The following NAV2 variants were observed in gnomAD, a reference collection of about 807,000 sequenced individuals.
NAV2 encodes helicase, APC down-regulated 1.
A neutral mutation model predicts 223.2 loss-of-function variants in NAV2; 54 were observed. That is an observed-to-expected ratio of 0.24 (90% CI 0.19 to 0.30). The LOEUF is 0.30. NAV2 is among the 10% of genes least tolerant of loss of function. The pLI, the probability that NAV2 is intolerant of heterozygous loss-of-function variation, is 1.00. For missense variants in NAV2, 2,806 were observed against 3,147.5 expected, an observed-to-expected ratio of 0.89 and a Z score of 2.60; for synonymous variants, 1,279 against 1,239.3, an observed-to-expected ratio of 1.03 and a Z score of -0.67.
chr11:20,118,392 C>T lies in NAV2; in HGVS notation c.*134C>T, dbSNP rs778716534. The T allele has an allele frequency of 4.1e-5, 44 of 1,060,660 alleles. No individual in the cohort carries two copies. The highest frequency in any genetic ancestry group is 5.9e-5 in the Non-Finnish European group (43 of 730,242). The allele number at this position is 1,060,660 out of a possible 1,614,324, so 65.7% of individuals were successfully genotyped here. A position where few individuals can be genotyped will look rare whatever the true frequency, so the allele number is the denominator to read the frequency against. Reference sequence around the variant, plus strand: ...GAGCTGCGGGAACACCGAGACCCCCCGTCCTTCAGCCTCGACCTGGGTGCA... The same window carrying T: ...GAGCTGCGGGAACACCGAGACCCCCTGTCCTTCAGCCTCGACCTGGGTGCA... On this transcript the variant is annotated 3_prime_UTR_variant, in exon 38 of 38. Transcript: ENST00000349880.
chr11:19,485,793 G>T (rs1385054461), intron 1 of NAV2, among the ~76,000 whole-genome samples: 1 of 152,012 alleles, frequency 6.6e-6, no homozygotes, highest in African/African-American at 2.4e-5. Flanking sequence ...GGATGGATCC[G>T]AGTTACAGGG....
intron 8 of NAV2, among the ~76,000 whole-genome samples, chr11:19,944,374 T>G (rs12795698): frequency 0.068 from 10,298 of 152,246 alleles, 494 homozygotes; most frequent in South Asian, 0.11. Context: ...AATACTGTGG[T>G]CCTGACAAAG....
upstream of NAV2, among the ~76,000 whole-genome samples, chr11:19,346,014 C>G (rs1398558409): frequency 6.6e-6 from 1 of 152,034 alleles, no homozygotes; most frequent in Non-Finnish European, 1.5e-5. Flanking sequence ...GTAGGCGTCT[C>G]TGTGTTTTCG....
chr11:19,959,176 C>T (rs577857383), intron 10 of NAV2, among the ~76,000 whole-genome samples: 3 of 152,158 alleles, frequency 2.0e-5, no homozygotes, highest in Non-Finnish European at 2.9e-5. Context: ...CAGATTGTCT[C>T]AGGCCTCTCA....
Position 20,018,883 on chromosome 11 carries a change from C to T in NAV2, c.2769-17076C>T, listed in dbSNP as rs138329458. Among the ~76,000 whole-genome samples, 143 of 152,248 alleles carry T rather than the reference C, an allele frequency of 9.4e-4. 1 individual carries two copies. Among genetic ancestry groups the T allele is most frequent in the South Asian group, 7.5e-3 (36 of 4,820 alleles). On this transcript the variant is annotated intron_variant, in intron 11 of 37. Coordinates refer to ENST00000349880, the MANE Select transcript of NAV2 (RefSeq NM_145117.5). ...ATCTGACCCGTGAGAAGTGGGCCGC[C>T]AGTGGGAGACATGGGGAGGAGCATT... is the stretch of plus-strand genomic sequence containing the variant.
intron 1 of NAV2, among the ~76,000 whole-genome samples, chr11:19,488,756 A>G (rs951877071): frequency 2.6e-5 from 4 of 152,274 alleles, no homozygotes; most frequent in African/African-American, 9.6e-5. Flanking sequence ...TGACATAATT[A>G]TATACAAATA....
chr11:19,380,251 C>A (rs1018954443), intron 1 of NAV2, among the ~76,000 whole-genome samples: 7 of 152,210 alleles, frequency 4.6e-5, no homozygotes, highest in African/African-American at 1.4e-4. Context: ...TGTTGATACC[C>A]ATCAAGCTTG....
At chr11:19,805,151 T>C (rs1031194101) in intron 1 of NAV2, among the ~76,000 whole-genome samples, 15 of 152,322 alleles carry the variant, frequency 9.8e-5, no homozygotes, top group South Asian at 4.1e-4. Flanking sequence ...GCTGACAGAT[T>C]CTGACAGGTC....
At chr11:19,632,033 C>A (rs1321807135) in intron 1 of NAV2, among the ~76,000 whole-genome samples, 1 of 152,354 alleles carries the variant, frequency 6.6e-6, no homozygotes, top group Admixed American at 6.5e-5. Flanking sequence ...GGTTCCCACC[C>A]GCCAGGGAAC....
At chr11:19,948,211 G>A (rs1341232109) in intron 9 of NAV2, among the ~76,000 whole-genome samples, 2 of 151,998 alleles carry the variant, frequency 1.3e-5, no homozygotes, top group Non-Finnish European at 2.9e-5. Context: ...TCAGCTTCCC[G>A]AGTAGCTGGG....
chr11:19,766,806 C>G (rs1438139417), intron 1 of NAV2, among the ~76,000 whole-genome samples: 1 of 152,182 alleles, frequency 6.6e-6, no homozygotes, highest in African/African-American at 2.4e-5. Context: ...CTTCTCCCAC[C>G]CTGATTTGCT....
At chr11:19,862,862 A>C (rs2061873196) in intron 3 of NAV2, among the ~76,000 whole-genome samples, 1 of 152,224 alleles carries the variant, frequency 6.6e-6, no homozygotes, top group Non-Finnish European at 1.5e-5. Context: ...ACAGACATTT[A>C]GGAGGGCATT....
At chr11:19,719,010 G>A (rs149646692) in intron 1 of NAV2, among the ~76,000 whole-genome samples, 21 of 152,198 alleles carry the variant, frequency 1.4e-4, no homozygotes, top group Admixed American at 5.9e-4. Flanking sequence ...CTCTTCCTCT[G>A]TGACCAAGAT....
At chr11:19,915,740 G>A (rs1340183228) in intron 6 of NAV2, among the ~76,000 whole-genome samples, 6 of 152,302 alleles carry the variant, frequency 3.9e-5, no homozygotes, top group African/African-American at 1.2e-4. Context: ...CCCAGGTTCC[G>A]TGGTTATCTT....
At chr11:19,561,506 T>G (rs1215686053) in intron 1 of NAV2, among the ~76,000 whole-genome samples, 1 of 147,856 alleles carries the variant, frequency 6.8e-6, no homozygotes, top group Non-Finnish European at 1.5e-5. Context: ...AGCTATTTAG[T>G]ACAATATATT....
At chr11:20,000,016 G>T (rs946872416) in intron 11 of NAV2, among the ~76,000 whole-genome samples, 10 of 152,186 alleles carry the variant, frequency 6.6e-5, no homozygotes, top group African/African-American at 2.4e-4. Context: ...CCTCCATGGT[G>T]CAGTGTCCCC....
chr11:19,519,060 GT>G (rs756703404), intron 1 of NAV2, among the ~76,000 whole-genome samples: 9 of 152,208 alleles, frequency 5.9e-5, no homozygotes, highest in Non-Finnish European at 1.2e-4. Context: ...TTCTAGAACT[GT>G]GAAAAATAAA....
intron 1 of NAV2, among the ~76,000 whole-genome samples, chr11:19,359,810 C>T (rs543533247): frequency 1.1e-4 from 17 of 152,280 alleles, no homozygotes; most frequent in Non-Finnish European, 1.8e-4. Context: ...TGCTGCCATG[C>T]GTGTCTCCTT....
intron 1 of NAV2, among the ~76,000 whole-genome samples, chr11:19,798,612 C>T (rs1450517984): frequency 2.0e-5 from 3 of 152,118 alleles, no homozygotes; most frequent in African/African-American, 4.8e-5. Context: ...TAGTTTAACT[C>T]GACTTTGGAA....
Sources: allele counts gnomAD v4.1 joint callset (sites outside exome capture counted in the v4.1 genomes callset), GRCh38; gene constraint gnomAD v4.1.1; transcripts MANE v1.5; gene names NCBI Gene and HGNC (gene_info 2026-07-23, HGNC 2026-07-21).